Variants in NHS observed in about 807,000 individuals in gnomAD.
NHS encodes the protein actin remodeling regulator NHS.
In NHS, 5 loss-of-function variants were observed where a neutral mutation model predicts 72.5. The observed-to-expected ratio is 0.07, with a 90% CI of 0.04 to 0.14. The LOEUF is 0.14. NHS is among the 10% of genes least tolerant of loss of function. The pLI is 1.00. For synonymous variants in NHS, 464 were observed against 547.7 expected (o/e 0.85, Z 2.13); for missense variants, 1,072 against 1,355.7 (o/e 0.79, Z 3.29).
Position 17,434,638 on chromosome X carries a change from T to C in NHS, c.565+58316T>C, listed in dbSNP as rs201224029. 2.7e-5 allele frequency among the ~76,000 whole-genome samples: 3 copies of C among 109,803 alleles called. No individual in the cohort carries two copies. The East Asian group carries it at 8.6e-4, about 32-fold the overall frequency. On this transcript the variant is annotated intron_variant, in intron 1 of 8. Coordinates refer to ENST00000676302, the MANE Select transcript of NHS (RefSeq NM_001291867.2). The stretch of plus-strand genomic sequence containing the variant: ...TTTTGTATTTTTAGTAGAGACGGGG[T>C]TTCACTGTGTTAACCAGGATGGTCT...
Position 17,565,407 on chromosome X carries a change from A to G in NHS, c.566-122335A>G, listed in dbSNP as rs149601473. Among the ~76,000 whole-genome samples the G allele has an allele frequency of 5.4e-3, 608 of 112,697 alleles. 5 individuals are homozygous for G. The highest frequency in any genetic ancestry group is 0.019 in the African/African-American group (589 of 31,046). On this transcript the variant is annotated intron_variant, in intron 1 of 8. Coordinates refer to ENST00000676302, the MANE Select transcript of NHS (RefSeq NM_001291867.2). Reference sequence around the variant, plus strand: ...TGCACATAATCATGAGAAATCATAAATCATTGTTGTTTTAAGTTACTAGAT... The same window carrying G: ...TGCACATAATCATGAGAAATCATAAGTCATTGTTGTTTTAAGTTACTAGAT...
intron 1 of NHS, among the ~76,000 whole-genome samples, chrX:17,677,872 A>G (rs1172709634): frequency 1.8e-5 from 2 of 111,757 alleles, no homozygotes; most frequent in African/African-American, 3.3e-5. Flanking sequence ...CAGTAGCACA[A>G]TCTCAGCTCA....
At chrX:17,529,977 A>C (rs758228341) in intron 1 of NHS, among the ~76,000 whole-genome samples, 14 of 110,970 alleles carry the variant, frequency 1.3e-4, no homozygotes, top group Non-Finnish European at 2.3e-4. Context: ...CTGGATGTGC[A>C]GGCTGCTTCA....
Position 17,635,660 on chromosome X carries a change from C to T in NHS, c.566-52082C>T, listed in dbSNP as rs190130744. ...AAGGGGAGGGGGAGGCTGGGTCTAA[C>T]GAAGAGGGGCTTGTGCTGTAGCCAC... On this transcript the variant is annotated intron_variant, in intron 1 of 8. Transcript: ENST00000676302. The T allele has an allele frequency of 1.1e-3, 1,215 of 1,065,465 alleles. 9 individuals carry two copies. The African/African-American group carries it at 0.019, about 16-fold the overall frequency. The allele number at this position is 1,065,465 out of a possible 1,213,427, so 87.8% of individuals were successfully genotyped here. A position where few individuals can be genotyped will look rare whatever the true frequency, so the allele number is the denominator to read the frequency against.
At chrX:17,665,428 C>A (rs1475083014) in intron 1 of NHS, among the ~76,000 whole-genome samples, 1 of 101,861 alleles carries the variant, frequency 9.8e-6, no homozygotes, top group East Asian at 3.1e-4. Context: ...CTGGGGTTCA[C>A]GCCATTCTCC....
chrX:17,665,435 C>G (rs959494047), intron 1 of NHS, among the ~76,000 whole-genome samples: 2 of 100,246 alleles, frequency 2.0e-5, no homozygotes, highest in African/African-American at 7.4e-5. Context: ...TCACGCCATT[C>G]TCCTGCCTCA....
intron 1 of NHS, among the ~76,000 whole-genome samples, chrX:17,386,663 C>CAAAAAAAAAAAAAAA (rs1184465152): frequency 4.2e-4 from 16 of 38,230 alleles, no homozygotes; most frequent in East Asian, 7.9e-4. Context: ...AACTCTGTCT[C>CAAAAAAAAAAAAAAA]AAAAAAAAAA....
At chrX:17,612,412 C>T (rs2065716024) in intron 1 of NHS, among the ~76,000 whole-genome samples, 1 of 110,561 alleles carries the variant, frequency 9.0e-6, no homozygotes, top group Non-Finnish European at 1.9e-5. Context: ...TTTGTGCTCC[C>T]TGTCCTTTGC....
intron 1 of NHS, chrX:17,557,134 T>A (rs1386742764): frequency 2.8e-5 from 3 of 105,476 alleles, no homozygotes; most frequent in Non-Finnish European, 3.9e-5. Context: ...TGTGTGTGTG[T>A]GTGTGTGTGT....
At chrX:17,411,996 C>T (rs1416940813) in intron 1 of NHS, among the ~76,000 whole-genome samples, 1 of 110,460 alleles carries the variant, frequency 9.1e-6, no homozygotes, top group African/African-American at 3.3e-5. Flanking sequence ...GTTCAGCCAC[C>T]CCTGATTATT....
intron 1 of NHS, among the ~76,000 whole-genome samples, chrX:17,505,080 A>T (rs778614172): frequency 2.7e-5 from 3 of 111,419 alleles, no homozygotes; most frequent in South Asian, 7.5e-4. Flanking sequence ...ACTACACACA[A>T]TGTTCATTAT....
chrX:17,510,144 A>G (rs1299543354), intron 1 of NHS, among the ~76,000 whole-genome samples: 1 of 112,041 alleles, frequency 8.9e-6, no homozygotes, highest in Non-Finnish European at 1.9e-5. Flanking sequence ...CTGTTATTTT[A>G]TTTCTCTTTT....
intron 1 of NHS, among the ~76,000 whole-genome samples, chrX:17,665,230 G>T (rs1601824838): frequency 1.4e-5 from 1 of 71,724 alleles, no homozygotes; most frequent in African/African-American, 5.3e-5. Flanking sequence ...TTTATCTTTT[G>T]TCTTATTACA....
At chrX:17,653,510 C>T (rs1350598873) in intron 1 of NHS, among the ~76,000 whole-genome samples, 1 of 109,083 alleles carries the variant, frequency 9.2e-6, no homozygotes, top group East Asian at 2.8e-4. Flanking sequence ...TTATTTTTGC[C>T]ATCACTGTTA....
At chrX:17,482,719 G>A (rs772956593) in intron 1 of NHS, among the ~76,000 whole-genome samples, 8 of 112,029 alleles carry the variant, frequency 7.1e-5, no homozygotes, top group Non-Finnish European at 1.3e-4. Context: ...CCTTGTCTGG[G>A]GCCAGGTAAG....
intron 1 of NHS, among the ~76,000 whole-genome samples, chrX:17,623,157 T>C (rs999582160): frequency 3.2e-4 from 36 of 111,388 alleles, no homozygotes; most frequent in African/African-American, 1.2e-3. Flanking sequence ...CAGGCTGGTC[T>C]CAAACTCCTG....
chrX:17,618,631 A>C (rs2065757996), intron 1 of NHS, among the ~76,000 whole-genome samples: 1 of 112,236 alleles, frequency 8.9e-6, no homozygotes. Flanking sequence ...TCCCTTGAAT[A>C]ATGATTAGAT....
chrX:17,456,037 G>A (rs909990942), intron 1 of NHS, among the ~76,000 whole-genome samples: 2 of 111,865 alleles, frequency 1.8e-5, no homozygotes, highest in African/African-American at 6.5e-5. Flanking sequence ...GGGCTGTGAG[G>A]TGCATTTTAT....
intron 1 of NHS, among the ~76,000 whole-genome samples, chrX:17,481,926 TC>T (rs1370690954): frequency 8.9e-6 from 1 of 112,115 alleles, no homozygotes; most frequent in Non-Finnish European, 1.9e-5. Flanking sequence ...CAAGAAGCAA[TC>T]AAAATGCACT....
Sources: gnomAD v4.1 joint callset for allele counts (sites outside exome capture counted in the v4.1 genomes callset) on GRCh38, gnomAD v4.1.1 for gene constraint, MANE v1.5 for transcripts, NCBI Gene and HGNC (gene_info 2026-07-23, HGNC 2026-07-21) for gene names.